MDGA1: variants seen among roughly 807,000 people sequenced by gnomAD.
The protein encoded by MDGA1 is MAM domain containing glycosylphosphatidylinositol anchor 1.
Under a neutral mutation model 101.5 loss-of-function variants are expected in MDGA1, and 54 were observed. The ratio of observed to expected loss-of-function variants is 0.53; its 90% CI spans 0.43 to 0.67. The LOEUF (loss-of-function observed/expected upper bound fraction) is 0.67, where lower values mean the gene tolerates loss of function less well. Among genes scored for constraint, MDGA1 ranks in the 30% least tolerant of loss-of-function variants. The probability of loss-of-function intolerance (pLI) is 0.00; values close to 1 mark genes in which losing one functional copy is unlikely to be tolerated. For synonymous variants in MDGA1, 533 were observed against 558.3 expected (o/e 0.95, Z 0.64); for missense variants, 1,083 against 1,323.8 (o/e 0.82, Z 2.82).
chr6:37,697,814 G>A lies in MDGA1; in HGVS notation c.-1003C>T, dbSNP rs1037393768. ...AGCGGGCGGGGCCGGGCCGGGCTCC[G>A]GGGCGCGGCGGCCGCTCGGCTCCGG... On this transcript the variant is annotated 5_prime_UTR_variant, in exon 1 of 17. Coordinates refer to ENST00000434837, the MANE Select transcript of MDGA1 (RefSeq NM_153487.4). 5.9e-5 allele frequency: 8 copies of A among 135,696 alleles called. 1 individual carries two copies. The Middle Eastern group carries it at 0.011, about 186-fold the overall frequency. The allele number at this position is 135,696 out of a possible 1,614,324, so 8.4% of individuals were successfully genotyped here.
intron 1 of MDGA1, among the ~76,000 whole-genome samples, chr6:37,695,120 A>G (rs558280159): frequency 6.6e-6 from 1 of 152,146 alleles, no homozygotes; most frequent in East Asian, 1.9e-4. Context: ...GTCTTGCCAA[A>G]TGCACCCAAT....
At chr6:37,641,181 TC>T (rs1292787603) in intron 14 of MDGA1, among the ~76,000 whole-genome samples, 1 of 152,194 alleles carries the variant, frequency 6.6e-6, no homozygotes, top group Admixed American at 6.5e-5. Flanking sequence ...ACTCATTTCA[TC>T]CCAGGCAGGT....
At chr6:37,675,549 C>T (rs1226995806) in intron 1 of MDGA1, among the ~76,000 whole-genome samples, 1 of 152,086 alleles carries the variant, frequency 6.6e-6, no homozygotes, top group African/African-American at 2.4e-5. Flanking sequence ...AGTTTGTAAT[C>T]CTGAGAGATC....
rs1192577841 is a variant in MDGA1, at chr6:37,635,741, GGTCATCTGTAAGCTCTCC to G, written c.*1609_*1626del. On this transcript the variant is annotated 3_prime_UTR_variant, in exon 17 of 17. Transcript: ENST00000434837. The stretch of plus-strand genomic sequence containing the variant: ...CACCAAAGGTGCTTGCATTCAATAG[GGTCATCTGTAAGCTCTCC>G]GTCATCCATAGGGGATGAAAGGTGG... 1 of 398,632 alleles carries G rather than the reference GGTCATCTGTAAGCTCTCC, an allele frequency of 2.5e-6. No homozygotes were observed. The highest frequency in any genetic ancestry group is 4.4e-6 in the Non-Finnish European group (1 of 226,094). The allele number at this position is 398,632 out of a possible 1,614,324, so 24.7% of individuals were successfully genotyped here.
At chr6:37,646,132 G>T in intron 11 of MDGA1, 66 bp downstream of exon 11, 2 of 1,551,478 alleles carry the variant, frequency 1.3e-6, no homozygotes, top group Non-Finnish European at 1.8e-6. Context: ...ACCACATGAG[G>T]ATGGTGAAAG....
chr6:37,694,414 G>A (rs140084997), intron 1 of MDGA1, among the ~76,000 whole-genome samples: 3 of 152,298 alleles, frequency 2.0e-5, no homozygotes, highest in East Asian at 1.9e-4. Flanking sequence ...CTGTTGTGCC[G>A]GGGACCATGC....
intron 1 of MDGA1, among the ~76,000 whole-genome samples, chr6:37,678,531 G>A (rs938528114): frequency 5.9e-5 from 9 of 152,170 alleles, no homozygotes; most frequent in Middle Eastern, 3.4e-3. Flanking sequence ...AAGCCAATGC[G>A]TTTTCAACAG....
intron 1 of MDGA1, among the ~76,000 whole-genome samples, chr6:37,669,010 G>C (rs1761815170): frequency 6.6e-6 from 1 of 152,108 alleles, no homozygotes; most frequent in South Asian, 2.1e-4. Flanking sequence ...ACCACGCCCA[G>C]GTAATTTTTG....
intron 5 of MDGA1, 109 bp downstream of exon 5, chr6:37,654,691 G>T (rs953709968): frequency 8.5e-6 from 13 of 1,535,606 alleles, no homozygotes; most frequent in Non-Finnish European, 1.1e-5. Flanking sequence ...GAGGGGAGGG[G>T]CCAGACATTA....
chr6:37,647,210 A>G lies in MDGA1; in HGVS notation c.2009T>C (p.Val670Ala), dbSNP rs1206234639. 23 of 1,596,812 alleles carry G rather than the reference A, an allele frequency of 1.4e-5. No individual in the cohort carries two copies. The highest frequency in any genetic ancestry group is 2.0e-5 in the Non-Finnish European group (23 of 1,171,968). ...LQWTQREPDAVDPVLNYRLSI... is the reference protein window; with the variant it reads ...LQWTQREPDAADPVLNYRLSI... The stretch of plus-strand genomic sequence containing the variant: ...GAGTCTGTAGTTGAGCACAGGGTCG[A>G]CAGCGTCGGGCTCCCTCTGAGTCCA... Residue 670 changes from valine to alanine, a missense_variant, in exon 10 of 17, where the codon GTC becomes GCC. Transcript: ENST00000434837.
At chr6:37,658,069 G>A (rs1037479514) in intron 3 of MDGA1, among the ~76,000 whole-genome samples, 176 bp downstream of exon 3, 4 of 152,188 alleles carry the variant, frequency 2.6e-5, no homozygotes, top group African/African-American at 4.8e-5. Flanking sequence ...TTACAGGTGC[G>A]AAGGTGTAGA....
intron 1 of MDGA1, among the ~76,000 whole-genome samples, chr6:37,693,550 T>C (rs949731347): frequency 2.6e-5 from 4 of 152,226 alleles, no homozygotes; most frequent in Non-Finnish European, 5.9e-5. Context: ...TGTTGTGTTT[T>C]TGTAAGGGAG....
chr6:37,655,444 G>A lies in MDGA1; in HGVS notation c.579+256C>T. Reference sequence around the variant, plus strand: ...GACTGGGATGACCTGTCTGCCCCTAGGGGTGCCTTTTCCTAACTAGCAATG... The same window carrying A: ...GACTGGGATGACCTGTCTGCCCCTAAGGGTGCCTTTTCCTAACTAGCAATG... On this transcript the variant is annotated intron_variant, in intron 4 of 16. Coordinates refer to ENST00000434837, the MANE Select transcript of MDGA1 (RefSeq NM_153487.4). This position sits in a 1 kb window ranked among gnomAD's most constrained non-coding sequence, Gnocchi z 5.1. The A allele has an allele frequency of 4.6e-6, 2 of 433,178 alleles. No homozygotes were observed. Among genetic ancestry groups the A allele is most frequent in the East Asian group, 4.2e-5 (1 of 23,794 alleles). 26.8% of individuals were successfully genotyped at this position (433,178 alleles called of 1,614,324 possible). A position where few individuals can be genotyped will look rare whatever the true frequency, so the allele number is the denominator to read the frequency against.
chr6:37,654,451 G>A lies in MDGA1; in HGVS notation c.805C>T (p.Pro269Ser). 6.2e-7 allele frequency: 1 copy of A among 1,614,004 alleles called. No individual in the cohort carries two copies. The highest frequency in any genetic ancestry group is 8.5e-7 in the Non-Finnish European group (1 of 1,179,882). ...TVQCLLTGGD[P>S]LPQLQWSHGP... ...TGGGACCACTGCAGCTGGGGGAGGGGATCACCGCCTGTCAGCAGACACTGC... is the reference window on the plus strand; with the variant it reads ...TGGGACCACTGCAGCTGGGGGAGGGAATCACCGCCTGTCAGCAGACACTGC... Residue 269 changes from proline to serine, a missense_variant, in exon 6 of 17, where the codon CCC (proline) becomes TCC (serine). By Grantham distance (74) the Pro-to-Ser change is moderately conservative (BLOSUM62 -1). Coordinates refer to ENST00000434837, the MANE Select transcript of MDGA1 (RefSeq NM_153487.4).
At chr6:37,650,464 G>T in intron 7 of MDGA1, 59 bp from the exon 8 acceptor site, 1 of 1,420,602 alleles carries the variant, frequency 7.0e-7, no homozygotes, top group Non-Finnish European at 9.2e-7. Context: ...TCCCCACTGG[G>T]CTCTGCCTTC....
chr6:37,656,763 T>C (rs546128820), intron 3 of MDGA1, among the ~76,000 whole-genome samples: 57 of 152,266 alleles, frequency 3.7e-4, no homozygotes, highest in African/African-American at 1.2e-3. Context: ...CAATCTCCCA[T>C]CATGGGATGG....
rs1762173398 is a variant in MDGA1, at chr6:37,685,181, A to G, written c.67+11564T>C. 2.6e-5 allele frequency among the ~76,000 whole-genome samples: 4 copies of G among 152,142 alleles called. No individual in the cohort carries two copies. The South Asian group carries it at 8.3e-4, about 32-fold the overall frequency. ...ACCGGGTGTGGTGGCACATGCCTGT[A>G]ATCCCAGCTACTCAAAAGCTGAGGC... On this transcript the variant is annotated intron_variant, in intron 1 of 16. Coordinates refer to ENST00000434837, the MANE Select transcript of MDGA1 (RefSeq NM_153487.4).
intron 1 of MDGA1, among the ~76,000 whole-genome samples, chr6:37,664,663 A>G (rs936194740): frequency 8.8e-5 from 12 of 135,948 alleles, no homozygotes; most frequent in African/African-American, 3.1e-4. Context: ...GCACTGTCAT[A>G]CTCCAGAGCT....
At chr6:37,668,572 G>A (rs908451891) in intron 1 of MDGA1, among the ~76,000 whole-genome samples, 3 of 152,146 alleles carry the variant, frequency 2.0e-5, no homozygotes, top group Non-Finnish European at 2.9e-5. Flanking sequence ...AATATTCCCC[G>A]TTAAGTGAAA....
Sources: allele counts gnomAD v4.1 joint callset (sites outside exome capture counted in the v4.1 genomes callset), GRCh38; gene constraint gnomAD v4.1.1; non-coding constraint Gnocchi (gnomAD v3.1); transcripts MANE v1.5; gene names NCBI Gene and HGNC (gene_info 2026-07-23, HGNC 2026-07-21).